The following CREB5 variants were observed in gnomAD, a reference collection of about 807,000 sequenced individuals.
CREB5 encodes the protein cyclic AMP-responsive element-binding protein 5.
Under a neutral mutation model 57.1 loss-of-function variants are expected in CREB5, and 19 were observed. That is an observed-to-expected ratio of 0.33 (90% CI 0.23 to 0.49). The LOEUF is 0.49. CREB5 is among the 20% of genes least tolerant of loss of function. CREB5 has a pLI of 0.99. For missense variants in CREB5, 579 were observed against 671.6 expected, an observed-to-expected ratio of 0.86 and a Z score of 1.52; for synonymous variants, 238 against 238.3, an observed-to-expected ratio of 1.00 and a Z score of 0.01.
At chr7:28,608,137 A>T (rs1460133036) in intron 5 of CREB5, among the ~76,000 whole-genome samples, 5 of 150,590 alleles carry the variant, frequency 3.3e-5, no homozygotes, top group Admixed American at 6.6e-5. Flanking sequence ...ACACACACAC[A>T]CACACACACA....
At chr7:28,656,948 C>G (rs1583489525) in intron 5 of CREB5, among the ~76,000 whole-genome samples, 2 of 151,916 alleles carry the variant, frequency 1.3e-5, no homozygotes, top group Admixed American at 1.3e-4. Context: ...GTCAGGACAG[C>G]CAACTCACAG....
intron 5 of CREB5, among the ~76,000 whole-genome samples, chr7:28,612,975 G>A (rs1214428237): frequency 1.3e-5 from 2 of 152,046 alleles, no homozygotes; most frequent in South Asian, 2.1e-4. Context: ...AAATGTAGTC[G>A]TTATGGGAAA....
intron 3 of CREB5, among the ~76,000 whole-genome samples, chr7:28,497,921 G>T (rs1490317346): frequency 2.0e-5 from 3 of 152,110 alleles, no homozygotes; most frequent in Non-Finnish European, 4.4e-5. Context: ...TTTATCAAAA[G>T]CTTCAGAGAA....
chr7:28,781,625 A>T (rs185026084), intron 7 of CREB5, among the ~76,000 whole-genome samples: 36 of 152,326 alleles, frequency 2.4e-4, no homozygotes, highest in South Asian at 1.7e-3. Context: ...TCTCCATGCT[A>T]GACAAGAATA....
At chr7:28,559,799 C>T (rs773769817) in intron 4 of CREB5, among the ~76,000 whole-genome samples, 32 of 152,228 alleles carry the variant, frequency 2.1e-4, no homozygotes, top group South Asian at 1.7e-3. Flanking sequence ...TAGGTGCTAG[C>T]GATAGAAGAG....
At chr7:28,669,725 G>A (rs1245036113) in intron 5 of CREB5, among the ~76,000 whole-genome samples, 1 of 152,230 alleles carries the variant, frequency 6.6e-6, no homozygotes, top group Admixed American at 6.5e-5. Flanking sequence ...TACAAGCCAA[G>A]CTCATAGAAG....
chr7:28,560,162 CATTG>C (rs1225268596), intron 4 of CREB5, among the ~76,000 whole-genome samples: 1 of 152,150 alleles, frequency 6.6e-6, no homozygotes, highest in African/African-American at 2.4e-5. Context: ...GAGAAAATGT[CATTG>C]ATTGATCAAT....
chr7:28,736,270 A>G (rs1010498757), intron 7 of CREB5, among the ~76,000 whole-genome samples: 2 of 152,052 alleles, frequency 1.3e-5, no homozygotes, highest in Admixed American at 6.5e-5. Flanking sequence ...CCCAGGTTCA[A>G]GCATTTCTCC....
chr7:28,401,802 A>T (rs1036608781), intron 1 of CREB5, among the ~76,000 whole-genome samples: 1 of 152,228 alleles, frequency 6.6e-6, no homozygotes, highest in Non-Finnish European at 1.5e-5. Flanking sequence ...TTGTTAATCC[A>T]GTCTATCATT....
At chr7:28,465,570 CCTGAATTCAAGTCCTAGCT>C (rs1453343631) in intron 1 of CREB5, among the ~76,000 whole-genome samples, 2 of 152,144 alleles carry the variant, frequency 1.3e-5, no homozygotes, top group African/African-American at 4.8e-5. Context: ...AGGTAGAGGG[CCTGAATTCAAGTCCTAGCT>C]CTGCTTTTAC....
intron 5 of CREB5, among the ~76,000 whole-genome samples, chr7:28,650,848 A>G (rs781320185): frequency 2.6e-5 from 4 of 152,184 alleles, no homozygotes; most frequent in Non-Finnish European, 4.4e-5. Flanking sequence ...GATTTTAGTC[A>G]TCTTTGATTA....
At chr7:28,360,554 C>T (rs12112050) in intron 1 of CREB5, among the ~76,000 whole-genome samples, 90,841 of 151,838 alleles carry the variant, frequency 0.6, 27,694 homozygotes, top group Admixed American at 0.66. Context: ...GTGGTGGTTA[C>T]GAAAGGCAGA....
chr7:28,736,824 C>CTCTCT (rs1554293490), intron 7 of CREB5, among the ~76,000 whole-genome samples: 3 of 134,830 alleles, frequency 2.2e-5, no homozygotes, highest in East Asian at 2.1e-4. Flanking sequence ...CTCTCTCTCT[C>CTCTCT]TTTTTTTTTT....
intron 1 of CREB5, 138 bp downstream of exon 1, chr7:28,413,055 T>G (rs1413475909): frequency 1.4e-6 from 1 of 695,628 alleles, no homozygotes; most frequent in Non-Finnish European, 2.2e-6. Context: ...GTTGCTTTTG[T>G]CAGTTTCCTG....
chr7:28,434,512 A>C (rs1400401553), intron 1 of CREB5, among the ~76,000 whole-genome samples: 2 of 152,154 alleles, frequency 1.3e-5, no homozygotes, highest in African/African-American at 4.8e-5. Flanking sequence ...CTATTTAGAA[A>C]TTTTGGAGCT....
chr7:28,524,479 G>T (rs1236709972), intron 4 of CREB5, among the ~76,000 whole-genome samples: 4 of 152,064 alleles, frequency 2.6e-5, no homozygotes, highest in African/African-American at 9.7e-5. Flanking sequence ...TCCAGCCCGG[G>T]TGACAGAGCG....
chr7:28,608,111 T>A (rs888964822), intron 5 of CREB5, among the ~76,000 whole-genome samples: 15 of 109,450 alleles, frequency 1.4e-4, no homozygotes, highest in African/African-American at 5.0e-4. Flanking sequence ...TCTCTCTCTC[T>A]CTCACACACA....
At chr7:28,392,480 G>A (rs985532627) in intron 1 of CREB5, among the ~76,000 whole-genome samples, 1 of 152,050 alleles carries the variant, frequency 6.6e-6, no homozygotes, top group African/African-American at 2.4e-5. Flanking sequence ...GGCAAAAACC[G>A]CAATTACTTT....
intron 1 of CREB5, among the ~76,000 whole-genome samples, chr7:28,457,979 C>T (rs961830683): frequency 3.9e-5 from 6 of 152,084 alleles, no homozygotes; most frequent in Admixed American, 6.5e-5. Context: ...TGTTATTGAA[C>T]AGGACTCTAG....
Sources: allele counts gnomAD v4.1 joint callset (sites outside exome capture counted in the v4.1 genomes callset), GRCh38; gene constraint gnomAD v4.1.1; transcripts MANE v1.5; gene names NCBI Gene and HGNC (gene_info 2026-07-23, HGNC 2026-07-21).